ITSN2: variants seen among roughly 807,000 people sequenced by gnomAD.
ITSN2 encodes intersectin 2.
A neutral mutation model predicts 243.7 loss-of-function variants in ITSN2; 156 were observed. The observed-to-expected ratio is 0.64, with a 90% CI of 0.56 to 0.73. ITSN2 has a LOEUF of 0.73. Ranked by LOEUF, ITSN2 falls within the 30% of genes least tolerant of loss-of-function variation. The pLI is 0.00. For synonymous variants in ITSN2, 703 were observed against 699.9 expected (o/e 1.00, Z -0.07); for missense variants, 1,801 against 1,996.1 (o/e 0.90, Z 1.86).
chr2:24,203,809 G>C lies in ITSN2; in HGVS notation c.4937-26C>G, dbSNP rs1668557206. On this transcript the variant is annotated intron_variant, in intron 39 of 39. Transcript: ENST00000355123. Reference sequence around the variant, plus strand: ...CTGGTGAATAAACACAGGAGAGTCAGAAGTCTTTCTTCTTTATAAAATCAT... The same window carrying C: ...CTGGTGAATAAACACAGGAGAGTCACAAGTCTTTCTTCTTTATAAAATCAT... The C allele has an allele frequency of 1.9e-6, 3 of 1,594,148 alleles. No homozygotes were observed. In the Admixed American group the frequency reaches 5.3e-5, roughly 28 times the overall value.
Position 24,258,045 on chromosome 2 carries a change from C to T in ITSN2, c.2731G>A (p.Ala911Thr), listed in dbSNP as rs369856366. 1.2e-6 allele frequency: 2 copies of T among 1,613,962 alleles called. No homozygotes were observed. Among genetic ancestry groups the T allele is most frequent in the Non-Finnish European group, 1.7e-6 (2 of 1,179,948 alleles). Residue 911 changes from alanine to threonine, a missense_variant, in exon 23 of 40, where the codon GCA becomes ACA. Physicochemically the swap from Ala to Thr is moderately conservative, Grantham distance 58. Coordinates refer to ENST00000355123, the MANE Select transcript of ITSN2 (RefSeq NM_006277.3). ...AAGTTCAAGTGGTTATCTTTCTTTG[C>T]AGTCCAGGAACAAAGGGCCTGTGCT... is the stretch of plus-strand genomic sequence containing the variant. ...LKAQALCSWT[A>T]KKDNHLNFSK...
intron 2 of ITSN2, among the ~76,000 whole-genome samples, chr2:24,322,191 AC>A (rs1684646274): frequency 6.6e-6 from 1 of 152,086 alleles, no homozygotes; most frequent in Non-Finnish European, 1.5e-5. Context: ...AATGAAACTC[AC>A]CCTGTGTCAG....
chr2:24,346,817 T>G (rs1687575463), intron 1 of ITSN2, among the ~76,000 whole-genome samples: 1 of 151,658 alleles, frequency 6.6e-6, no homozygotes, highest in African/African-American at 2.4e-5. Context: ...TTGACCACAT[T>G]CATTAAAAAC....
At chr2:24,335,039 G>T (rs1383542852) in intron 1 of ITSN2, 1 of 143,552 alleles carries the variant, frequency 7.0e-6, no homozygotes, top group African/African-American at 3.3e-5. Context: ...CTCCAGCCTG[G>T]GCGACAGAGC....
At chr2:24,239,946 T>C (rs1672547875) in intron 29 of ITSN2, 1 of 152,108 alleles carries the variant, frequency 6.6e-6, no homozygotes, top group East Asian at 1.9e-4. Flanking sequence ...ATTTAATCCA[T>C]AGGTACCTGA....
rs781660667 is a variant in ITSN2 at position 24,212,694 on chromosome 2, T to C, written c.4045A>G (p.Lys1349Glu). 2 of 1,613,628 alleles carry C rather than the reference T, an allele frequency of 1.2e-6. No individual in the cohort carries two copies. Among genetic ancestry groups the C allele is most frequent in the Non-Finnish European group, 1.7e-6 (2 of 1,179,882 alleles). ...TAGCGGGTGATCCTCTGCATGGGTT[T>C]CAGCAGGAAGCTGGAGAGGGGCATT... ...KGMPLSSFLL[K>E]PMQRITRYPL... Residue 1349 changes from lysine to glutamate, a missense_variant, in exon 33 of 40, where the codon AAA becomes GAA. Lys to Glu is a moderately conservative substitution (Grantham distance 56). Coordinates refer to ENST00000355123, the MANE Select transcript of ITSN2 (RefSeq NM_006277.3).
chr2:24,322,950 C>T (rs566031774), intron 2 of ITSN2, among the ~76,000 whole-genome samples: 2 of 151,722 alleles, frequency 1.3e-5, no homozygotes, highest in Non-Finnish European at 2.9e-5. Flanking sequence ...GGCAAATAAG[C>T]ACGTGACAAG....
rs570651237 is a variant in ITSN2 at position 24,217,768 on chromosome 2, G to A, written c.3806+139C>T. 5 of 536,218 alleles carry A rather than the reference G, an allele frequency of 9.3e-6. No homozygotes were observed. In the Admixed American group the frequency reaches 1.7e-4, roughly 18 times the overall value. The allele number at this position is 536,218 out of a possible 1,614,324, so 33.2% of individuals were successfully genotyped here. On this transcript the variant is annotated intron_variant, in intron 31 of 39. Coordinates refer to ENST00000355123, the MANE Select transcript of ITSN2 (RefSeq NM_006277.3). ...ACAGTCACAGGATATTTCATAAAATGATAATAAAATAACAAGCCTGAGGAA... is the reference window on the plus strand; with the variant it reads ...ACAGTCACAGGATATTTCATAAAATAATAATAAAATAACAAGCCTGAGGAA...
chr2:24,346,262 G>A (rs1421983403), intron 1 of ITSN2, among the ~76,000 whole-genome samples: 4 of 152,208 alleles, frequency 2.6e-5, no homozygotes, highest in Non-Finnish European at 5.9e-5. Context: ...CAGACAGTAT[G>A]TGCTCTTGAT....
At chr2:24,351,103 C>T (rs1196145181) in intron 1 of ITSN2, among the ~76,000 whole-genome samples, 1 of 152,136 alleles carries the variant, frequency 6.6e-6, no homozygotes, top group Non-Finnish European at 1.5e-5. Flanking sequence ...TCAACCTCCC[C>T]ACCTCCACCT....
rs193103817 is a variant in ITSN2, at chr2:24,302,291, C to T, written c.858-189G>A. ...TCAGCTCACTGCAAGCTCCGCCTCC[C>T]GGGTTCACGCCATTCTCCTGCCTCA... is the stretch of plus-strand genomic sequence containing the variant. On this transcript the variant is annotated intron_variant, in intron 9 of 39. Coordinates refer to ENST00000355123, the MANE Select transcript of ITSN2 (RefSeq NM_006277.3). 3.2e-3 allele frequency among the ~76,000 whole-genome samples: 480 copies of T among 152,184 alleles called. 19 individuals carry two copies. In the East Asian group the frequency reaches 0.073, roughly 23 times the overall value.
In ITSN2 at chr2:24,203,084, G is replaced by C. The variant is rs1668492842; in HGVS notation, c.*542C>G. ...CTCCAGACTATATTGTCTTAGCAGA[G>C]AGTGATAAAATCTAATCAGGAATAA... On this transcript the variant is annotated 3_prime_UTR_variant, in exon 40 of 40. Coordinates refer to ENST00000355123, the MANE Select transcript of ITSN2 (RefSeq NM_006277.3). The C allele has an allele frequency of 6.5e-6, 1 of 152,742 alleles. No individual in the cohort carries two copies. The highest frequency in any genetic ancestry group is 1.5e-5 in the Non-Finnish European group (1 of 68,138). 9.5% of individuals were successfully genotyped at this position (152,742 alleles called of 1,614,324 possible).
At chr2:24,205,377 C>A (rs1245690922) in intron 37 of ITSN2, 80 bp from the exon 38 acceptor site, 12 of 1,199,708 alleles carry the variant, frequency 1.0e-5, no homozygotes, top group South Asian at 2.5e-5. Flanking sequence ...CATAACACTA[C>A]CGGCTCCCTG....
intron 20 of ITSN2, among the ~76,000 whole-genome samples, chr2:24,264,150 G>A (rs1676278829): frequency 6.6e-6 from 1 of 152,114 alleles, no homozygotes; most frequent in Non-Finnish European, 1.5e-5. Context: ...TCAGCACTTT[G>A]GAAGGCCGAG....
At chr2:24,316,006 G>C (rs927005924) in intron 2 of ITSN2, among the ~76,000 whole-genome samples, 2 of 152,174 alleles carry the variant, frequency 1.3e-5, no homozygotes, top group Non-Finnish European at 2.9e-5. Flanking sequence ...AACAGGAAAG[G>C]TAACACTGAG....
chr2:24,354,200 A>C (rs1162742067), intron 1 of ITSN2, among the ~76,000 whole-genome samples: 1 of 152,246 alleles, frequency 6.6e-6, no homozygotes, highest in Non-Finnish European at 1.5e-5. Flanking sequence ...CTCAGGCCCA[A>C]GGCCATCACC....
chr2:24,346,610 A>G (rs1214680270), intron 1 of ITSN2, among the ~76,000 whole-genome samples: 1 of 152,174 alleles, frequency 6.6e-6, no homozygotes, highest in Non-Finnish European at 1.5e-5. Context: ...TATTCCTAAC[A>G]TATGTACCAT....
At chr2:24,331,466 C>T (rs1290078581) in intron 1 of ITSN2, among the ~76,000 whole-genome samples, 1 of 151,936 alleles carries the variant, frequency 6.6e-6, no homozygotes, top group Non-Finnish European at 1.5e-5. Flanking sequence ...AGAATGTCTC[C>T]GAAGCTGGAC....
At chr2:24,356,600 A>G (rs535905519) in intron 1 of ITSN2, among the ~76,000 whole-genome samples, 15 of 152,310 alleles carry the variant, frequency 9.8e-5, no homozygotes, top group African/African-American at 3.6e-4. Context: ...ATCACTGATC[A>G]TCAGAGAACT....
Sources: gnomAD v4.1 joint callset for allele counts (sites outside exome capture counted in the v4.1 genomes callset) on GRCh38, gnomAD v4.1.1 for gene constraint, MANE v1.5 for transcripts, NCBI Gene and HGNC (gene_info 2026-07-23, HGNC 2026-07-21) for gene names.